OLR1: variants seen among roughly 807,000 people sequenced by gnomAD.
OLR1 encodes the protein oxidized low-density lipoprotein receptor 1.
Under a neutral mutation model 31.7 loss-of-function variants are expected in OLR1, and 23 were observed. The observed-to-expected ratio is 0.72, with a 90% CI of 0.52 to 1.03. OLR1 has a LOEUF of 1.03. Ranked by LOEUF, OLR1 falls within the 50% of genes least tolerant of loss-of-function variation. The pLI is 0.00. For synonymous variants in OLR1, 117 were observed against 115.8 expected (o/e 1.01, Z -0.07); for missense variants, 286 against 315.7 (o/e 0.91, Z 0.71).
chr12:10,172,205 G>A, upstream of OLR1: 1 of 651,886 alleles, frequency 1.5e-6, no homozygotes, highest in East Asian at 2.7e-5. Flanking sequence ...TCAATCATTG[G>A]TAGGAGGAAG....
Position 10,172,057 on chromosome 12 carries a change from C to A in OLR1, c.21G>T (p.Lys7Asn). 3 of 1,613,754 alleles carry A rather than the reference C, an allele frequency of 1.9e-6. No homozygotes were observed. Among genetic ancestry groups the A allele is most frequent in the Non-Finnish European group, 1.7e-6 (2 of 1,179,798 alleles). The stretch of plus-strand genomic sequence containing the variant: ...CAGGCTGGTCCTTCACAGTCTGGAT[C>A]TTTAGGTCATCAAAAGTCATTTCCA... MTFDDL[K>N]IQTVKDQPDE... Residue 7 changes from lysine to asparagine, a missense_variant, in exon 1 of 6, where the codon AAG becomes AAT. Transcript: ENST00000309539.
intron 2 of OLR1, chr12:10,167,413 G>T (rs1294818554): frequency 6.5e-6 from 1 of 153,080 alleles, no homozygotes; most frequent in Non-Finnish European, 1.5e-5. Flanking sequence ...CTGCACTCCA[G>T]CCTGGCGACA....
In OLR1 at chr12:10,160,391, G is replaced by C. The variant is rs1378598511; in HGVS notation, c.636C>G (p.Ser212Arg). ...AACCGTCCTCCCAGAGCCATGGGTA[G>C]CTGGGGTTCCTCCGAGACAGCCCCA... Reference protein sequence around the residue: ...FWMGLSRRNPSYPWLWEDGSP... With the variant: ...FWMGLSRRNPRYPWLWEDGSP... The change falls in exon 5 of 6, where the codon AGC becomes AGG. Residue 212 changes from serine (S) to arginine (R), a missense_variant. Physicochemically the swap from Ser to Arg is moderately radical, Grantham distance 110 (BLOSUM62 -1). Transcript: ENST00000309539. 1.9e-6 allele frequency: 3 copies of C among 1,613,808 alleles called. No individual in the cohort carries two copies.
At position 10,166,805 on chromosome 12, in the gene OLR1, G is replaced by A. The variant is rs892229108; in HGVS notation, c.331C>T (p.Arg111Trp). Residue 111 changes from arginine to tryptophan, a missense_variant, in exon 3 of 6, where the codon CGG (arginine) becomes TGG (tryptophan). By Grantham distance (101) the Arg-to-Trp change is moderately radical. Coordinates refer to ENST00000309539, the MANE Select transcript of OLR1 (RefSeq NM_002543.4). ...ELKEMIETLA[R>W]KLNEKSKEQM... is the part of the protein sequence containing the mutation. ...TCTTTGGATTTCTCATTCAGCTTCC[G>A]AGCAAGGGTTTCTATCATTTCCTTG... The A allele has an allele frequency of 9.9e-6, 16 of 1,613,648 alleles. No individual in the cohort carries two copies. Among genetic ancestry groups the A allele is most frequent in the African/African-American group, 8.0e-5 (6 of 74,786 alleles).
chr12:10,175,194 T>A (rs1284084029), upstream of OLR1: 1 of 152,198 alleles, frequency 6.6e-6, no homozygotes, highest in Non-Finnish European at 1.5e-5. Context: ...ATGTATGTGA[T>A]CATCTACGTG....
chr12:10,169,899 A>G (rs1948696096), intron 1 of OLR1, among the ~76,000 whole-genome samples: 1 of 149,136 alleles, frequency 6.7e-6, no homozygotes, highest in Non-Finnish European at 1.5e-5. Flanking sequence ...AGGTGTATGA[A>G]TATACAATTA....
chr12:10,169,818 T>A lies in OLR1; in HGVS notation c.77-643A>T, dbSNP rs540974642. Among the ~76,000 whole-genome samples the A allele has an allele frequency of 2.0e-5, 3 of 152,064 alleles. No individual in the cohort carries two copies. The East Asian group carries it at 5.8e-4, about 29-fold the overall frequency. On this transcript the variant is annotated intron_variant, in intron 1 of 5. Coordinates refer to ENST00000309539, the MANE Select transcript of OLR1 (RefSeq NM_002543.4). ...CTTATATTAACAGCATATCCTACAC[T>A]CACGCCAAGTGTAGGCTTGATTTTA...
chr12:10,168,175 G>A (rs373323947), intron 2 of OLR1, among the ~76,000 whole-genome samples: 67 of 152,184 alleles, frequency 4.4e-4, no homozygotes, highest in Admixed American at 7.2e-4. Flanking sequence ...GGTGAACGTT[G>A]GGCACCATTT....
Position 10,161,924 on chromosome 12 carries a change from GATATAT to G in OLR1, c.425-1005_425-1000del, listed in dbSNP as rs34054558. On this transcript the variant is annotated intron_variant, in intron 3 of 5. Coordinates refer to ENST00000309539, the MANE Select transcript of OLR1 (RefSeq NM_002543.4). ...TTATGTGGTTACTAGAAATTTTAAT[GATATAT>G]ATATATATATATATAAAAAACACAT... 2.5e-4 allele frequency among the ~76,000 whole-genome samples: 17 copies of G among 67,956 alleles called. No homozygotes were observed. In the East Asian group the frequency reaches 5.1e-3, roughly 21 times the overall value. 44.6% of individuals were successfully genotyped at this position (67,956 alleles called of 152,430 possible). A position where few individuals can be genotyped will look rare whatever the true frequency, so the allele number is the denominator to read the frequency against.
At chr12:10,164,943 A>G (rs1379630605) in intron 3 of OLR1, among the ~76,000 whole-genome samples, 1 of 152,160 alleles carries the variant, frequency 6.6e-6, no homozygotes, top group African/African-American at 2.4e-5. Context: ...TAAGGCTTGC[A>G]AGCCAGTCTA....
Position 10,159,943 on chromosome 12 carries a change from C to T in OLR1, c.759G>A (p.Ala253=), listed in dbSNP as rs370707474. The T allele has an allele frequency of 2.9e-5, 47 of 1,613,778 alleles. No homozygotes were observed. The highest frequency in any genetic ancestry group is 1.2e-4 in the African/African-American group (9 of 74,868). ...TGAAGGCAGCTAAAATGCAGTTTTCCGCATAAACAGCTCCTCGTTGTATAT... is the reference window on the plus strand; with the variant it reads ...TGAAGGCAGCTAAAATGCAGTTTTCTGCATAAACAGCTCCTCGTTGTATAT... ...CAYIQRGAVY[A]ENCILAAFSI... is the part of the protein sequence containing the mutation. The change falls in exon 6 of 6, where the codon GCG becomes GCA. Residue 253 remains alanine, a synonymous_variant. Coordinates refer to ENST00000309539, the MANE Select transcript of OLR1 (RefSeq NM_002543.4).
At chr12:10,172,623 G>A (rs373281185), upstream of OLR1, among the ~76,000 whole-genome samples, 2 of 152,130 alleles carry the variant, frequency 1.3e-5, no homozygotes, top group East Asian at 1.9e-4. Context: ...CATTTCCAGC[G>A]ATGGTGTGTC....
At chr12:10,160,629 T>C in intron 4 of OLR1, 157 bp downstream of exon 4, 1 of 1,036,060 alleles carries the variant, frequency 9.7e-7, no homozygotes, top group African/African-American at 1.6e-5. Flanking sequence ...CTACAGAGCC[T>C]GTCCGTCCAA....
rs974403688 is a variant in OLR1, at chr12:10,158,310, A to T, written c.*1570T>A. On this transcript the variant is annotated 3_prime_UTR_variant, in exon 6 of 6. Coordinates refer to ENST00000309539, the MANE Select transcript of OLR1 (RefSeq NM_002543.4). ...CTATGTTCATACAGACTTGTACACA[A>T]ATGTTCACAGCAGCTTTATTTGTAA... 6.6e-6 allele frequency: 1 copy of T among 152,234 alleles called. No individual in the cohort carries two copies. The highest frequency in any genetic ancestry group is 1.5e-5 in the Non-Finnish European group (1 of 68,048). 9.4% of individuals were successfully genotyped at this position (152,234 alleles called of 1,614,324 possible). A position where few individuals can be genotyped will look rare whatever the true frequency, so the allele number is the denominator to read the frequency against.
At chr12:10,165,884 T>C (rs1204427541) in intron 3 of OLR1, among the ~76,000 whole-genome samples, 1 of 152,178 alleles carries the variant, frequency 6.6e-6, no homozygotes, top group Non-Finnish European at 1.5e-5. Context: ...TTTTCAAGGA[T>C]TTGACACAGC....
chr12:10,160,993 C>A, intron 3 of OLR1, 68 bp from the exon 4 acceptor site: 5 of 1,459,360 alleles, frequency 3.4e-6, no homozygotes, highest in South Asian at 2.4e-5. Context: ...GTTCTTAAAT[C>A]AATGATCCCC....
chr12:10,166,325 C>T (rs1436097953), intron 3 of OLR1, among the ~76,000 whole-genome samples: 5 of 151,988 alleles, frequency 3.3e-5, no homozygotes, highest in African/African-American at 4.8e-5. Flanking sequence ...GTCAGGAGTT[C>T]GCGACCAGCC....
upstream of OLR1, among the ~76,000 whole-genome samples, chr12:10,174,706 C>A (rs1229419408): frequency 6.6e-6 from 1 of 152,154 alleles, no homozygotes; most frequent in Non-Finnish European, 1.5e-5. Context: ...GCGTATTGAT[C>A]CTCTTTCTCT....
intron 3 of OLR1, among the ~76,000 whole-genome samples, chr12:10,164,847 T>C (rs1286789086): frequency 2.6e-5 from 4 of 152,220 alleles, no homozygotes; most frequent in Non-Finnish European, 4.4e-5. Context: ...CTGAGTCCCT[T>C]TAGACGGCTA....
Sources: allele counts gnomAD v4.1 joint callset (sites outside exome capture counted in the v4.1 genomes callset), GRCh38; gene constraint gnomAD v4.1.1; transcripts MANE v1.5; gene names NCBI Gene and HGNC (gene_info 2026-07-23, HGNC 2026-07-21).